Variants in ANKS1B observed in about 807,000 individuals in gnomAD.
ANKS1B encodes the protein ankyrin repeat and sterile alpha motif domain-containing protein 1B.
In ANKS1B, 36 loss-of-function variants were observed where a neutral mutation model predicts 148.3. The observed-to-expected ratio is 0.24, with a 90% CI of 0.19 to 0.32. The LOEUF (loss-of-function observed/expected upper bound fraction) is 0.32. Ranked by LOEUF, ANKS1B falls within the 10% of genes least tolerant of loss-of-function variation. The pLI, the probability that ANKS1B is intolerant of heterozygous loss-of-function variation, is 1.00. For missense variants in ANKS1B, 1,157 were observed against 1,542.6 expected (o/e 0.75, Z 4.19); for synonymous variants, 542 against 560.8 (o/e 0.97, Z 0.47).
rs144164931 is a variant in ANKS1B, at chr12:99,380,754, CTCCTTCCT to C, written c.1756+18869_1756+18876del. Among the ~76,000 whole-genome samples the C allele has an allele frequency of 9.5e-3, 1,263 of 132,816 alleles. 11 individuals are homozygous for C. The highest frequency in any genetic ancestry group is 0.035 in the South Asian group (147 of 4,254). The allele number at this position is 132,816 out of a possible 152,430, so 87.1% of individuals were successfully genotyped here. A position where few individuals can be genotyped will look rare whatever the true frequency, so the allele number is the denominator to read the frequency against. ...AATTCTTGTTGATCAGTTTCCTTTCCTCCTTCCTTCCTTCCTTCCTTCCTTCCTTCCTT... is the reference window on the plus strand; with the variant it reads ...AATTCTTGTTGATCAGTTTCCTTTCCTCCTTCCTTCCTTCCTTCCTTCCTT... On this transcript the variant is annotated intron_variant, in intron 12 of 26. Transcript: ENST00000683438.
intron 17 of ANKS1B, among the ~76,000 whole-genome samples, chr12:98,869,473 G>T (rs186955122): frequency 1.3e-5 from 2 of 152,270 alleles, no homozygotes; most frequent in East Asian, 1.9e-4. Context: ...CCTGGATGGA[G>T]TTACAACCCG....
At chr12:99,627,938 A>G (rs1031841388) in intron 9 of ANKS1B, among the ~76,000 whole-genome samples, 1 of 152,166 alleles carries the variant, frequency 6.6e-6, no homozygotes, top group Non-Finnish European at 1.5e-5. Context: ...AGAAGTACCC[A>G]TCTCGCATTC....
At chr12:98,888,852 T>A (rs1018757121) in intron 17 of ANKS1B, among the ~76,000 whole-genome samples, 1 of 152,222 alleles carries the variant, frequency 6.6e-6, no homozygotes, top group Non-Finnish European at 1.5e-5. Context: ...TCTCCATTTA[T>A]TTATTTACTT....
At chr12:98,958,017 A>G (rs1403507) in intron 17 of ANKS1B, among the ~76,000 whole-genome samples, 7,354 of 152,304 alleles carry the variant, frequency 0.048, 245 homozygotes, top group Middle Eastern at 0.11. Flanking sequence ...GAGCGACAGA[A>G]GAAAAAACCT....
At chr12:99,774,990 TG>T (rs1387000915) in intron 7 of ANKS1B, among the ~76,000 whole-genome samples, 2 of 152,040 alleles carry the variant, frequency 1.3e-5, no homozygotes, top group East Asian at 3.9e-4. Context: ...TGCCAGGGGC[TG>T]GGGAGTGGAG....
At chr12:99,332,890 T>G (rs989165635) in intron 12 of ANKS1B, among the ~76,000 whole-genome samples, 3 of 151,586 alleles carry the variant, frequency 2.0e-5, no homozygotes, top group Non-Finnish European at 4.4e-5. Context: ...GGAGGGTGGA[T>G]TGGGGTCTGG....
intron 8 of ANKS1B, among the ~76,000 whole-genome samples, chr12:99,663,069 T>C (rs1486642425): frequency 6.6e-6 from 1 of 152,150 alleles, no homozygotes; most frequent in East Asian, 1.9e-4. Flanking sequence ...TGTAATAGCA[T>C]GATATATCAT....
intron 17 of ANKS1B, among the ~76,000 whole-genome samples, chr12:99,039,496 G>C (rs1362420978): frequency 6.6e-6 from 1 of 152,174 alleles, no homozygotes; most frequent in Non-Finnish European, 1.5e-5. Context: ...TGGTGGAGAG[G>C]CGCGATGAAC....
chr12:99,609,169 A>T (rs1016576194), intron 9 of ANKS1B, among the ~76,000 whole-genome samples: 1 of 152,066 alleles, frequency 6.6e-6, no homozygotes, highest in Non-Finnish European at 1.5e-5. Flanking sequence ...AAACTCAGAC[A>T]CCTTAGAAAA....
chr12:99,371,575 C>T (rs191570327), intron 12 of ANKS1B, among the ~76,000 whole-genome samples: 2 of 152,100 alleles, frequency 1.3e-5, no homozygotes, highest in African/African-American at 4.8e-5. Context: ...CACACACACA[C>T]ACACATATAC....
At chr12:99,079,069 A>G (rs1326700952) in intron 16 of ANKS1B, among the ~76,000 whole-genome samples, 1 of 152,178 alleles carries the variant, frequency 6.6e-6, no homozygotes, top group African/African-American at 2.4e-5. Flanking sequence ...TAAGAGCCTG[A>G]ATCCTGCCTA....
chr12:99,034,515 C>T (rs1299794801), intron 17 of ANKS1B, among the ~76,000 whole-genome samples: 2 of 152,058 alleles, frequency 1.3e-5, no homozygotes, highest in African/African-American at 4.8e-5. Flanking sequence ...GGGGTTTCGC[C>T]ATGTTGCCCA....
At chr12:99,179,428 CAAAAA>C (rs59979808) in intron 14 of ANKS1B, among the ~76,000 whole-genome samples, 5 of 72,952 alleles carry the variant, frequency 6.9e-5, no homozygotes, top group Admixed American at 1.8e-4. Context: ...GACTCTGTCT[CAAAAA>C]AAAAAAAAAA....
At chr12:99,596,788 T>C (rs982764502) in intron 9 of ANKS1B, among the ~76,000 whole-genome samples, 4 of 151,948 alleles carry the variant, frequency 2.6e-5, no homozygotes, top group African/African-American at 4.8e-5. Flanking sequence ...ACTTTACTCA[T>C]GTAGGTCTTT....
intron 17 of ANKS1B, among the ~76,000 whole-genome samples, chr12:98,838,030 G>A (rs1174497286): frequency 6.6e-6 from 1 of 152,082 alleles, no homozygotes; most frequent in Non-Finnish European, 1.5e-5. Flanking sequence ...GTCATATCAC[G>A]AGTACCATTT....
At chr12:99,283,537 T>C (rs571134932) in intron 12 of ANKS1B, among the ~76,000 whole-genome samples, 1 of 152,334 alleles carries the variant, frequency 6.6e-6, no homozygotes, top group East Asian at 1.9e-4. Context: ...GAGTTCTTTA[T>C]CACCTGGCAG....
intron 25 of ANKS1B, among the ~76,000 whole-genome samples, chr12:98,771,667 T>C (rs116275127): frequency 0.023 from 3,573 of 152,126 alleles, 147 homozygotes; most frequent in African/African-American, 0.081. Context: ...TTTGTAGAGA[T>C]GGGGTTTCAT....
At chr12:98,956,857 C>T (rs1355277504) in intron 17 of ANKS1B, among the ~76,000 whole-genome samples, 1 of 152,106 alleles carries the variant, frequency 6.6e-6, no homozygotes, top group Non-Finnish European at 1.5e-5. Context: ...GAACCCCCTG[C>T]CTTGAATTTA....
At chr12:99,674,680 T>C (rs2098554055) in intron 8 of ANKS1B, among the ~76,000 whole-genome samples, 1 of 151,810 alleles carries the variant, frequency 6.6e-6, no homozygotes, top group Non-Finnish European at 1.5e-5. Flanking sequence ...AACATGCGAA[T>C]TGAAGTCTTC....
Sources: allele counts gnomAD v4.1 joint callset (sites outside exome capture counted in the v4.1 genomes callset), GRCh38; gene constraint gnomAD v4.1.1; transcripts MANE v1.5; gene names NCBI Gene and HGNC (gene_info 2026-07-23, HGNC 2026-07-21).